TCTN3: variants seen among roughly 807,000 people sequenced by gnomAD.
The protein encoded by TCTN3 is tectonic family member 3, also known as tectonic-3.
TCTN3 carries 57 observed loss-of-function variants against 71.3 expected under a neutral mutation model. The observed-to-expected ratio is 0.80, with a 90% CI of 0.65 to 1.00. The LOEUF (loss-of-function observed/expected upper bound fraction) is 1.00, where lower values mean the gene tolerates loss of function less well. TCTN3 is among the 50% of genes least tolerant of loss of function. The probability of loss-of-function intolerance (pLI) is 0.00; values close to 1 mark genes in which losing one functional copy is unlikely to be tolerated. For synonymous variants in TCTN3, 258 were observed against 267.8 expected (o/e 0.96, Z 0.36); for missense variants, 696 against 719.9 (o/e 0.97, Z 0.38).
intron 3 of TCTN3, among the ~76,000 whole-genome samples, chr10:95,692,376 C>A (rs2097954299): frequency 6.6e-6 from 1 of 152,006 alleles, no homozygotes; most frequent in African/African-American, 2.4e-5. Flanking sequence ...CATGGTGGCA[C>A]ACACCCATAG....
At chr10:95,672,968 C>A (rs61868622) in intron 13 of TCTN3, among the ~76,000 whole-genome samples, 522 of 43,322 alleles carry the variant, frequency 0.012, 1 homozygote, top group Non-Finnish European at 0.033. Context: ...GCTGGGATTA[C>A]AGGTGTGAGT....
At position 95,687,254 on chromosome 10, in the gene TCTN3, A is replaced by G. The variant is rs1235150711; in HGVS notation, c.729T>C (p.Asn243=). ...VGAGGLCAES[N]PAGFLESKST... ...CTTTTGCTCTGGATTCACCTGCAGG[A>G]TTGCTTTCAGCACAGAGTCCCCCAG... Residue 243 remains asparagine, a synonymous_variant, in exon 5 of 14, where the codon AAT becomes AAC. Transcript: ENST00000371217. 6.2e-7 allele frequency: 1 copy of G among 1,614,012 alleles called. No homozygotes were observed. Among genetic ancestry groups the G allele is most frequent in the Non-Finnish European group, 8.5e-7 (1 of 1,179,938 alleles).
At chr10:95,689,965 T>C (rs1301330745) in intron 3 of TCTN3, among the ~76,000 whole-genome samples, 1 of 152,198 alleles carries the variant, frequency 6.6e-6, no homozygotes, top group Non-Finnish European at 1.5e-5. Context: ...AATTTACTGA[T>C]GATCATTATC....
Position 95,668,946 on chromosome 10 carries a change from G to A in TCTN3, c.1591-4646C>T, listed in dbSNP as rs59895832. On this transcript the variant is annotated intron_variant, in intron 13 of 13. Transcript: ENST00000371217. ...AGAAATTTTACAGAGCTGTTGAAGA[G>A]TGTGAGAAGCCTTAGCTATTAGCTC... is the stretch of plus-strand genomic sequence containing the variant. 5.3e-3 allele frequency among the ~76,000 whole-genome samples: 807 copies of A among 152,358 alleles called. 6 individuals are homozygous for A. Among genetic ancestry groups the A allele is most frequent in the African/African-American group, 0.018 (743 of 41,586 alleles).
Position 95,692,992 on chromosome 10 carries a change from T to TA in TCTN3, c.426dup (p.Asn143Ter). On this transcript the variant is annotated frameshift_variant, in exon 3 of 14. Transcript: ENST00000371217. LOFTEE classifies it high-confidence loss of function. ...AAAACTCTTGAAGGAAACGGGGAATTACTCCTGAAGATAACAGAGTTGTCT... is the reference window on the plus strand; with the variant it reads ...AAAACTCTTGAAGGAAACGGGGAATTAACTCCTGAAGATAACAGAGTTGTCT... 1 of 1,614,038 alleles carries TA rather than the reference T, an allele frequency of 6.2e-7. No individual in the cohort carries two copies. Among genetic ancestry groups the TA allele is most frequent in the South Asian group, 1.1e-5 (1 of 91,082 alleles).
intron 2 of TCTN3, 38 bp from the exon 3 acceptor site, chr10:95,693,076 G>A (rs994775901): frequency 2.7e-6 from 4 of 1,489,094 alleles, no homozygotes; most frequent in African/African-American, 2.8e-5. Flanking sequence ...TATTTAGAAG[G>A]GGCGGGGCAG....
At chr10:95,664,397 G>T in intron 13 of TCTN3, 97 bp from the exon 14 acceptor site, 1 of 1,037,610 alleles carries the variant, frequency 9.6e-7, no homozygotes. Flanking sequence ...AGAGAGAAAT[G>T]AATTATTCTA....
rs1251784600 is a variant in TCTN3 at position 95,682,642 on chromosome 10, T to C, written c.1452+9A>G. 1.2e-5 allele frequency: 20 copies of C among 1,608,600 alleles called. No homozygotes were observed. Among genetic ancestry groups the C allele is most frequent in the Non-Finnish European group, 1.6e-5 (19 of 1,178,352 alleles). On this transcript the variant is annotated intron_variant, in intron 12 of 13. Transcript: ENST00000371217. ...GAGTCTTCATCAGAAAGTATATTTC[T>C]CTCCTTACTGAAATGCTGCAGTGCC...
At chr10:95,676,603 T>C (rs2097937429) in intron 13 of TCTN3, among the ~76,000 whole-genome samples, 1 of 152,176 alleles carries the variant, frequency 6.6e-6, no homozygotes, top group Non-Finnish European at 1.5e-5. Context: ...TGTGTCTATT[T>C]TATGTACATG....
intron 13 of TCTN3, among the ~76,000 whole-genome samples, chr10:95,669,754 G>C (rs2097929031): frequency 6.6e-6 from 1 of 152,176 alleles, no homozygotes; most frequent in South Asian, 2.1e-4. Context: ...AAAGTAGAAA[G>C]TATGTCACAG....
intron 9 of TCTN3, among the ~76,000 whole-genome samples, chr10:95,683,943 C>T (rs2097945749): frequency 7.4e-6 from 1 of 134,554 alleles, no homozygotes; most frequent in Non-Finnish European, 1.6e-5. Context: ...TGGTTAAAAT[C>T]TGAAAAATTT....
intron 13 of TCTN3, among the ~76,000 whole-genome samples, chr10:95,669,564 C>T (rs1384888496): frequency 6.6e-6 from 1 of 152,154 alleles, no homozygotes; most frequent in African/African-American, 2.4e-5. Context: ...AACTGTTCAC[C>T]TCAGGGGTGT....
intron 9 of TCTN3, among the ~76,000 whole-genome samples, chr10:95,684,012 G>A (rs569000080): frequency 1.3e-4 from 20 of 152,268 alleles, no homozygotes; most frequent in African/African-American, 4.6e-4. Flanking sequence ...GATGAGCTCT[G>A]AGAGACACAG....
intron 7 of TCTN3, 88 bp downstream of exon 7, chr10:95,686,407 T>C (rs2097948310): frequency 7.3e-7 from 1 of 1,374,376 alleles, no homozygotes. Context: ...ACATTTATCT[T>C]TCAACAGTAC....
chr10:95,693,238 T>C (rs2097955336), intron 2 of TCTN3, 115 bp downstream of exon 2: 2 of 1,474,620 alleles, frequency 1.4e-6, no homozygotes, highest in East Asian at 2.5e-5. Flanking sequence ...CAAGGGAATG[T>C]CCTAGGAGTG....
chr10:95,673,517 G>T (rs1324512051), intron 13 of TCTN3, among the ~76,000 whole-genome samples: 1 of 151,958 alleles, frequency 6.6e-6, no homozygotes, highest in African/African-American at 2.4e-5. Flanking sequence ...TGAATTCTGA[G>T]ATTTCAGCAG....
intron 12 of TCTN3, among the ~76,000 whole-genome samples, chr10:95,681,111 T>C (rs2097942568): frequency 1.3e-5 from 2 of 151,396 alleles, no homozygotes; most frequent in Non-Finnish European, 2.9e-5. Flanking sequence ...AGTCTCGCTC[T>C]GTTGCCCAGG....
rs1224401845 is a variant in TCTN3 at position 95,693,447 on chromosome 10, G to T, written c.286C>A (p.Pro96Thr). 1 of 1,552,168 alleles carries T rather than the reference G, an allele frequency of 6.4e-7. No individual in the cohort carries two copies. The highest frequency in any genetic ancestry group is 1.2e-5 in the South Asian group (1 of 84,062). Residue 96 changes from proline (P) to threonine (T), a missense_variant, in exon 2 of 14, where the codon CCT becomes ACT. Physicochemically the swap from Pro to Thr is conservative, Grantham distance 38. Transcript: ENST00000371217. ...CAGCAATTTATATCGCAGGCTCCAG[G>T]AGTCAAGTCACAGACACAGATCGGT... ...VLPICVCDLT[P>T]GACDINCCCD...
intron 3 of TCTN3, among the ~76,000 whole-genome samples, chr10:95,688,424 A>AAG (rs2097950727): frequency 6.7e-6 from 1 of 148,428 alleles, no homozygotes; most frequent in Non-Finnish European, 1.5e-5. Flanking sequence ...AAAAAGAAAA[A>AAG]AAAAGAAAAT....
Sources: allele counts gnomAD v4.1 joint callset (sites outside exome capture counted in the v4.1 genomes callset), GRCh38; gene constraint gnomAD v4.1.1; transcripts MANE v1.5; gene names NCBI Gene and HGNC (gene_info 2026-07-23, HGNC 2026-07-21).